Variants in HSPG2 observed in about 807,000 individuals in gnomAD.
HSPG2 encodes heparan sulfate proteoglycan 2.
HSPG2 carries 278 observed loss-of-function variants against 526.6 expected under a neutral mutation model. The observed-to-expected ratio is 0.53, with a 90% CI of 0.48 to 0.58. HSPG2 has a LOEUF of 0.58. Among genes scored for constraint, HSPG2 ranks in the 20% least tolerant of loss-of-function variants. The pLI, the probability that HSPG2 is intolerant of heterozygous loss-of-function variation, is 0.00. For missense variants in HSPG2, 5,354 were observed against 6,099.5 expected (o/e 0.88, Z 4.07); for synonymous variants, 2,465 against 2,555.4 (o/e 0.96, Z 1.07).
intron 1 of HSPG2, among the ~76,000 whole-genome samples, chr1:21,910,815 T>C (rs904890399): frequency 1.3e-5 from 2 of 152,180 alleles, no homozygotes; most frequent in African/African-American, 4.8e-5. Flanking sequence ...TCAAGCCTTA[T>C]GCTAAGTACC....
rs778231571 is a variant in HSPG2, at chr1:21,880,213, T to A, written c.2237A>T (p.Asp746Val). The A allele has an allele frequency of 2.4e-5, 39 of 1,614,038 alleles. No individual in the cohort carries two copies. The highest frequency in any genetic ancestry group is 3.0e-5 in the Non-Finnish European group (35 of 1,180,052). ...GYSGLSCESC[D>V]AHFTRVPGGP... is the part of the protein sequence containing the mutation. ...ACCAGGCACCCGAGTGAAGTGGGCA[T>A]CACAGCTCTCGCAGGACAAGCCAGA... Residue 746 changes from aspartate (D) to valine (V), a missense_variant, in exon 17 of 97, where the codon GAT (aspartate) becomes GTT (valine). Asp to Val is a radical substitution (Grantham distance 152, BLOSUM62 -3). Transcript: ENST00000374695.
intron 1 of HSPG2, among the ~76,000 whole-genome samples, chr1:21,901,215 G>A (rs567622235): frequency 2.6e-5 from 4 of 152,136 alleles, no homozygotes; most frequent in South Asian, 2.1e-4. Flanking sequence ...AGAGAGAATC[G>A]GCTGGGTAAA....
At position 21,875,228 on chromosome 1, in the gene HSPG2, G is replaced by C. The variant is rs1034224399; in HGVS notation, c.3303-226C>G. 1.5e-5 allele frequency: 9 copies of C among 614,078 alleles called. No homozygotes were observed. In the African/African-American group the frequency reaches 1.6e-4, roughly 11 times the overall value. 38.0% of individuals were successfully genotyped at this position (614,078 alleles called of 1,614,324 possible). A position where few individuals can be genotyped will look rare whatever the true frequency, so the allele number is the denominator to read the frequency against. ...TCACCTGGAGAGGTTATACCACCTCGTTCCCCTGGGGTCCCCAATGACAGG... is the reference window on the plus strand; with the variant it reads ...TCACCTGGAGAGGTTATACCACCTCCTTCCCCTGGGGTCCCCAATGACAGG... On this transcript the variant is annotated intron_variant, in intron 25 of 96. Coordinates refer to ENST00000374695, the MANE Select transcript of HSPG2 (RefSeq NM_005529.7).
At chr1:21,823,514 C>G (rs911477950) in intron 96 of HSPG2, 26 bp from the exon 97 acceptor site, 2 of 1,608,096 alleles carry the variant, frequency 1.2e-6, no homozygotes, top group Admixed American at 3.3e-5. Flanking sequence ...AGGACAGGGC[C>G]TGTGGGCTCC....
chr1:21,823,928 G>T, intron 95 of HSPG2, 193 bp downstream of exon 95: 1 of 737,502 alleles, frequency 1.4e-6, no homozygotes, highest in Non-Finnish European at 2.3e-6. Context: ...CCACTCCTGG[G>T]GCACTCGCCT....
rs2290494 is a variant in HSPG2, at chr1:21,874,838, C to T, written c.3414+53G>A. 350,690 of 1,526,528 alleles carry T rather than the reference C, an allele frequency of 0.23. 44,761 individuals carry two copies. The highest frequency in any genetic ancestry group is 0.55 in the East Asian group (23,622 of 43,252). 94.6% of individuals were successfully genotyped at this position (1,526,528 alleles called of 1,614,324 possible). ...GTGTGGAGGGCTCATGGAGAAGGAG[C>T]GGGAAGCACCATGGAGGGGGCTGGC... is the stretch of plus-strand genomic sequence containing the variant. On this transcript the variant is annotated intron_variant, in intron 26 of 96. Transcript: ENST00000374695.
intron 13 of HSPG2, among the ~76,000 whole-genome samples, chr1:21,881,760 T>C (rs1050438043): frequency 1.3e-5 from 2 of 151,856 alleles, no homozygotes; most frequent in Non-Finnish European, 2.9e-5. Context: ...CTTCCCAACA[T>C]GGTGAAACCT....
intron 1 of HSPG2, among the ~76,000 whole-genome samples, chr1:21,936,434 G>A (rs182671165): frequency 2.6e-5 from 4 of 152,136 alleles, no homozygotes; most frequent in African/African-American, 9.7e-5. Flanking sequence ...CCCGCACCAC[G>A]CACTTTGCAG....
rs1193074156 is a variant in HSPG2, at chr1:21,889,965, AC to A, written c.574+15del. 2 of 1,613,850 alleles carry A rather than the reference AC, an allele frequency of 1.2e-6. No homozygotes were observed. The highest frequency in any genetic ancestry group is 2.7e-5 in the African/African-American group (2 of 74,918). ...GAGTCTGGAGGAGGCGATCCCAGAC[AC>A]CAGGATAGGCTCACCTGTGCCCAGG... is the stretch of plus-strand genomic sequence containing the variant. On this transcript the variant is annotated intron_variant, in intron 6 of 96. Transcript: ENST00000374695.
At chr1:21,885,223 G>A (rs1641799502) in intron 10 of HSPG2, 66 bp from the exon 11 acceptor site, 5 of 1,596,728 alleles carry the variant, frequency 3.1e-6, no homozygotes, top group East Asian at 4.5e-5. Flanking sequence ...GGAGGGCTCC[G>A]AGGGGCTAGG....
At chr1:21,910,375 T>A (rs1342660992) in intron 1 of HSPG2, among the ~76,000 whole-genome samples, 1 of 152,138 alleles carries the variant, frequency 6.6e-6, no homozygotes, top group Non-Finnish European at 1.5e-5. Context: ...ACAAAATGCC[T>A]CCTCCAGGAA....
chr1:21,876,743 C>A, intron 21 of HSPG2, 91 bp from the exon 22 acceptor site: 1 of 1,555,424 alleles, frequency 6.4e-7, no homozygotes, highest in Non-Finnish European at 8.8e-7. Flanking sequence ...GATAAGAACC[C>A]AAGACCCAGG....
At chr1:21,875,438 G>A (rs1456842352) in intron 25 of HSPG2, among the ~76,000 whole-genome samples, 191 bp downstream of exon 25, 1 of 152,108 alleles carries the variant, frequency 6.6e-6, no homozygotes, top group Non-Finnish European at 1.5e-5. Flanking sequence ...CCCCGTCTCA[G>A]GCTTCTTTCT....
intron 13 of HSPG2, 113 bp from the exon 14 acceptor site, chr1:21,881,615 G>A (rs1428029112): frequency 1.9e-5 from 20 of 1,060,650 alleles, no homozygotes; most frequent in South Asian, 1.6e-4. Flanking sequence ...ATTTGATTTC[G>A]AGAAAACTTT....
chr1:21,872,795 C>A lies in HSPG2; in HGVS notation c.3889-35G>T, dbSNP rs1051156383. On this transcript the variant is annotated intron_variant, in intron 31 of 96. Coordinates refer to ENST00000374695, the MANE Select transcript of HSPG2 (RefSeq NM_005529.7). This position sits in a 1 kb window ranked among gnomAD's most constrained non-coding sequence, Gnocchi z 5.5. ...CGGATGGAAGGAGGCAGGCAGGGGA[C>A]TCAGTGGGTCTCCTGCACCCCCAGC... The A allele has an allele frequency of 6.3e-7, 1 of 1,599,814 alleles. No homozygotes were observed. Among genetic ancestry groups the A allele is most frequent in the African/African-American group, 1.3e-5 (1 of 74,744 alleles).
In HSPG2 at chr1:21,870,760, G is replaced by A. The variant is rs140883520; in HGVS notation, c.4221+1426C>T. 1.3e-3 allele frequency: 1,169 copies of A among 875,328 alleles called. 10 individuals are homozygous for A. The African/African-American group carries it at 0.019, about 15-fold the overall frequency. 54.2% of individuals were successfully genotyped at this position (875,328 alleles called of 1,614,324 possible). On this transcript the variant is annotated intron_variant, in intron 33 of 96. Coordinates refer to ENST00000374695, the MANE Select transcript of HSPG2 (RefSeq NM_005529.7). ...CCTTGGGCACTGCGCATCTCCCCAC[G>A]CAGGGCTGGGAGCACCCGAGAAGGC...
intron 71 of HSPG2, 91 bp downstream of exon 71, chr1:21,841,010 C>T (rs2098046166): frequency 1.7e-6 from 2 of 1,196,880 alleles, no homozygotes; most frequent in African/African-American, 1.5e-5. Context: ...CTCATCACCA[C>T]CTGCCCATCC....
chr1:21,899,927 G>A lies in HSPG2; in HGVS notation c.64-3617C>T, dbSNP rs75429258. Among the ~76,000 whole-genome samples the A allele has an allele frequency of 2.3e-3, 343 of 152,334 alleles. 4 individuals carry two copies. The highest frequency in any genetic ancestry group is 7.8e-3 in the African/African-American group (324 of 41,570). On this transcript the variant is annotated intron_variant, in intron 1 of 96. Coordinates refer to ENST00000374695, the MANE Select transcript of HSPG2 (RefSeq NM_005529.7). Reference sequence around the variant, plus strand: ...ATACCAGGGAGCCCAGGGTTGGCCAGTCCCTGTCCCCAACCTGACCAGCTC... The same window carrying A: ...ATACCAGGGAGCCCAGGGTTGGCCAATCCCTGTCCCCAACCTGACCAGCTC...
rs1259214064 is a variant in HSPG2, at chr1:21,839,161, C to A, written c.9890-76G>T. On this transcript the variant is annotated intron_variant, in intron 73 of 96. Transcript: ENST00000374695. The surrounding 1 kb of genome is among the most constrained non-coding windows in gnomAD (Gnocchi z 4.5). ...GGCAGCAGGTCGTTGGATCCAGTGTCCAGGGAAGCTGAATGGTGAGCCCAG... is the reference window on the plus strand; with the variant it reads ...GGCAGCAGGTCGTTGGATCCAGTGTACAGGGAAGCTGAATGGTGAGCCCAG... 3 of 1,529,924 alleles carry A rather than the reference C, an allele frequency of 2.0e-6. No individual in the cohort carries two copies. The highest frequency in any genetic ancestry group is 2.7e-6 in the Non-Finnish European group (3 of 1,131,664). 94.8% of individuals were successfully genotyped at this position (1,529,924 alleles called of 1,614,324 possible).
Sources: allele counts gnomAD v4.1 joint callset (sites outside exome capture counted in the v4.1 genomes callset), GRCh38; gene constraint gnomAD v4.1.1; non-coding constraint Gnocchi (gnomAD v3.1); transcripts MANE v1.5; gene names NCBI Gene and HGNC (gene_info 2026-07-23, HGNC 2026-07-21).